DPRX: variants seen among roughly 807,000 people sequenced by gnomAD.
The protein encoded by DPRX is divergent paired-related homeobox.
A neutral mutation model predicts 8.4 loss-of-function variants in DPRX; 11 were observed. The observed-to-expected ratio is 1.31, with a 90% CI of 0.82 to 2.17. DPRX has a LOEUF of 2.17. DPRX is among the 30% of genes most tolerant of loss of function. DPRX has a pLI of 0.00. For missense variants in DPRX, 211 were observed against 236.7 expected, an observed-to-expected ratio of 0.89 and a Z score of 0.71; for synonymous variants, 72 against 87.0, an observed-to-expected ratio of 0.83 and a Z score of 0.96.
At chr19:53,610,012 G>A in the DPRX span, among the ~76,000 whole-genome samples, 91,573 of 150,412 alleles carry the variant, frequency 0.61, 28,281 homozygotes, top group Admixed American at 0.7. Context: ...ATAAGCCAGG[G>A]GTGGTGCCCA....
At chr19:53,636,554 C>T (rs904921690) in intron 2 of DPRX, 42 bp from the exon 3 acceptor site, 1 of 1,383,630 alleles carries the variant, frequency 7.2e-7, no homozygotes, top group Non-Finnish European at 9.4e-7. Flanking sequence ...AATGACAAGT[C>T]ATCTGAATTC....
At chr19:53,602,301 TGTGTGTGTGTGC>T in the DPRX span, 1 of 327,682 alleles carries the variant, frequency 3.1e-6, no homozygotes, top group South Asian at 2.4e-5. Flanking sequence ...TGTGTGTGTG[TGTGTGTGTGTGC>T]CAGCCTCCCA....
At chr19:53,628,575 T>A (rs993960768), upstream of DPRX, among the ~76,000 whole-genome samples, 1 of 151,998 alleles carries the variant, frequency 6.6e-6, no homozygotes, top group Non-Finnish European at 1.5e-5. Flanking sequence ...CTCTAGGTAG[T>A]TCCAAAACTT....
chr19:53,615,273 G>C, the DPRX span, among the ~76,000 whole-genome samples: 1 of 147,004 alleles, frequency 6.8e-6, no homozygotes, highest in African/African-American at 2.5e-5. Flanking sequence ...TGTCCAGCCA[G>C]ATCTGTCTAA....
the DPRX span, among the ~76,000 whole-genome samples, chr19:53,624,621 G>T: frequency 6.6e-6 from 1 of 151,028 alleles, no homozygotes; most frequent in Non-Finnish European, 1.5e-5. Flanking sequence ...CACCATGTTG[G>T]CCAGGCTGGT....
chr19:53,634,699 C>A lies in DPRX; in HGVS notation c.183+14C>A, dbSNP rs1434096560. 1 of 1,606,684 alleles carries A rather than the reference C, an allele frequency of 6.2e-7. No homozygotes were observed. Among genetic ancestry groups the A allele is most frequent in the Non-Finnish European group, 8.5e-7 (1 of 1,177,688 alleles). On this transcript the variant is annotated intron_variant, in intron 2 of 2. Transcript: ENST00000376650. ...ACAGTACTGCAGGTTGGAAAATGAT[C>A]CCTCTTCTCACTAAACTGCCTTCCT...
chr19:53,634,523 C>T lies in DPRX; in HGVS notation c.29-8C>T, dbSNP rs1374198492. 2 of 1,601,254 alleles carry T rather than the reference C, an allele frequency of 1.2e-6. No individual in the cohort carries two copies. Among genetic ancestry groups the T allele is most frequent in the Non-Finnish European group, 1.7e-6 (2 of 1,176,090 alleles). On this transcript the variant is annotated splice_region_variant and splice_polypyrimidine_tract_variant and intron_variant, in intron 1 of 2. Coordinates refer to ENST00000376650, the Ensembl canonical transcript of DPRX. ...TTCCCATTTGTGTCTTTTTCCTCCT[C>T]TTTCAAGGCAAGGACCAGATGCATT...
At position 53,636,388 on chromosome 19, in the gene DPRX, AAAAT is replaced by A. The variant is rs1048681818; in HGVS notation, c.184-190_184-187del. Among the ~76,000 whole-genome samples the A allele has an allele frequency of 6.0e-3, 897 of 149,054 alleles. 9 individuals carry two copies. Among genetic ancestry groups the A allele is most frequent in the African/African-American group, 0.02 (814 of 40,684 alleles). ...CTCAAAAATAAAATAAAATAAAATA[AAAAT>A]AAATAAATAAATAAATATTAGGAGA... On this transcript the variant is annotated intron_variant, in intron 2 of 2. Coordinates refer to ENST00000376650, the Ensembl canonical transcript of DPRX.
the DPRX span, among the ~76,000 whole-genome samples, chr19:53,616,386 A>G: frequency 9.2e-5 from 14 of 152,290 alleles, no homozygotes; most frequent in Admixed American, 3.3e-4. Flanking sequence ...AATCTTCCGT[A>G]TATATAGCAT....
the DPRX span, among the ~76,000 whole-genome samples, chr19:53,615,107 T>C: frequency 6.6e-6 from 1 of 151,840 alleles, no homozygotes; most frequent in Non-Finnish European, 1.5e-5. Context: ...CTGGAGTGCT[T>C]CAGCCTCTCA....
the DPRX span, among the ~76,000 whole-genome samples, chr19:53,611,821 C>T: frequency 2.6e-5 from 4 of 152,268 alleles, no homozygotes; most frequent in South Asian, 6.2e-4. Context: ...CAGTGGCTCA[C>T]GCCTGGAATC....
At chr19:53,614,332 T>C in the DPRX span, among the ~76,000 whole-genome samples, 1 of 152,150 alleles carries the variant, frequency 6.6e-6, no homozygotes, top group Non-Finnish European at 1.5e-5. Context: ...AAGGATCCCT[T>C]GAGCCTGGGA....
At chr19:53,612,835 C>G in the DPRX span, among the ~76,000 whole-genome samples, 1 of 152,100 alleles carries the variant, frequency 6.6e-6, no homozygotes, top group Non-Finnish European at 1.5e-5. Context: ...AGGGGTCGGG[C>G]GGACGGGGAA....
At chr19:53,622,443 C>G in the DPRX span, among the ~76,000 whole-genome samples, 1 of 152,178 alleles carries the variant, frequency 6.6e-6, no homozygotes, top group African/African-American at 2.4e-5. Context: ...GTAAGATCAG[C>G]CTAGGTAACA....
intron 1 of DPRX, among the ~76,000 whole-genome samples, chr19:53,633,983 G>A (rs2122163557): frequency 6.6e-6 from 1 of 152,244 alleles, no homozygotes; most frequent in Non-Finnish European, 1.5e-5. Context: ...GAACCAAGGG[G>A]GAAAGGAACA....
At chr19:53,605,540 C>T in the DPRX span, among the ~76,000 whole-genome samples, 3 of 152,160 alleles carry the variant, frequency 2.0e-5, no homozygotes, top group African/African-American at 7.2e-5. Flanking sequence ...CTATGTTGCC[C>T]AGGCTGGTCT....
the DPRX span, among the ~76,000 whole-genome samples, chr19:53,615,660 G>C: frequency 6.6e-6 from 1 of 151,484 alleles, no homozygotes; most frequent in Non-Finnish European, 1.5e-5. Context: ...TCTTTTCCTA[G>C]TTTCTTCTGA....
At chr19:53,630,791 G>A (rs906331463), upstream of DPRX, among the ~76,000 whole-genome samples, 7 of 152,046 alleles carry the variant, frequency 4.6e-5, no homozygotes, top group African/African-American at 9.6e-5. Flanking sequence ...TGCCCTTGTC[G>A]TCAAGATAAA....
the DPRX span, among the ~76,000 whole-genome samples, chr19:53,610,854 T>C: frequency 6.6e-6 from 1 of 152,152 alleles, no homozygotes; most frequent in Non-Finnish European, 1.5e-5. Flanking sequence ...ACACCACTGA[T>C]TGTAGACAAA....
Sources: gnomAD v4.1 joint callset for allele counts (sites outside exome capture counted in the v4.1 genomes callset) on GRCh38, gnomAD v4.1.1 for gene constraint, MANE v1.5 for transcripts, NCBI Gene and HGNC (gene_info 2026-07-23, HGNC 2026-07-21) for gene names.